CACNA1C: variants seen among roughly 807,000 people sequenced by gnomAD.
CACNA1C encodes the protein calcium voltage-gated channel subunit alpha1 C.
A neutral mutation model predicts 229.0 loss-of-function variants in CACNA1C; 30 were observed. The ratio of observed to expected loss-of-function variants is 0.13; its 90% CI spans 0.10 to 0.18. CACNA1C has a LOEUF of 0.18. Ranked by LOEUF, CACNA1C falls within the 10% of genes least tolerant of loss-of-function variation. CACNA1C has a pLI of 1.00. For missense variants in CACNA1C, 1,658 were observed against 2,845.0 expected (o/e 0.58, Z 9.49); for synonymous variants, 1,114 against 1,132.5 (o/e 0.98, Z 0.33).
intron 1 of CACNA1C, among the ~76,000 whole-genome samples, chr12:2,056,107 C>G (rs2054629644): frequency 6.6e-6 from 1 of 152,094 alleles, no homozygotes; most frequent in Non-Finnish European, 1.5e-5. Context: ...GTGCATTCCT[C>G]TCTTCCCGAC....
chr12:2,162,975 A>G (rs2095976279), intron 3 of CACNA1C, among the ~76,000 whole-genome samples: 1 of 152,032 alleles, frequency 6.6e-6, no homozygotes, highest in Admixed American at 6.6e-5. Flanking sequence ...CTGATGGAAA[A>G]TATGACCACT....
intron 1 of CACNA1C, among the ~76,000 whole-genome samples, chr12:2,081,743 T>C (rs1026442477): frequency 1.3e-5 from 2 of 152,124 alleles, no homozygotes; most frequent in African/African-American, 4.8e-5. Flanking sequence ...TTTAGGATGA[T>C]TGAAATTTAG....
At position 2,602,730 on chromosome 12, in the gene CACNA1C, G is replaced by A. The variant is rs1217084396; in HGVS notation, c.2960+770G>A. ...GGTGTGAGTTCTAAGAGCTTTCCAGGTGACTCCCCTGTACAGCCAAGCTTG... is the reference window on the plus strand; with the variant it reads ...GGTGTGAGTTCTAAGAGCTTTCCAGATGACTCCCCTGTACAGCCAAGCTTG... On this transcript the variant is annotated intron_variant, in intron 22 of 46. Coordinates refer to ENST00000399655, the MANE Select transcript of CACNA1C (RefSeq NM_000719.7). The surrounding 1 kb of genome is among the most constrained non-coding windows in gnomAD (Gnocchi z 4.4). 6.6e-6 allele frequency among the ~76,000 whole-genome samples: 1 copy of A among 151,714 alleles called. No homozygotes were observed. The highest frequency in any genetic ancestry group is 2.4e-5 in the African/African-American group (1 of 41,268).
intron 6 of CACNA1C, among the ~76,000 whole-genome samples, chr12:2,492,656 GACCC>G (rs2099738412): frequency 6.6e-6 from 1 of 152,220 alleles, no homozygotes; most frequent in African/African-American, 2.4e-5. Flanking sequence ...ATACATAGTG[GACCC>G]ATATAGTTAG....
intron 3 of CACNA1C, among the ~76,000 whole-genome samples, chr12:2,277,114 A>T (rs2088616370): frequency 6.6e-6 from 1 of 152,158 alleles, no homozygotes; most frequent in South Asian, 2.1e-4. Context: ...CACAGTTAAT[A>T]TAACACTCTC....
intron 45 of CACNA1C, among the ~76,000 whole-genome samples, chr12:2,688,046 T>C (rs2097600101): frequency 6.6e-6 from 1 of 152,232 alleles, no homozygotes; most frequent in African/African-American, 2.4e-5. Flanking sequence ...ACAGGGCAGA[T>C]GGATAGACAG....
intron 29 of CACNA1C, among the ~76,000 whole-genome samples, chr12:2,616,028 G>A (rs976251455): frequency 6.6e-6 from 1 of 152,180 alleles, no homozygotes; most frequent in South Asian, 2.1e-4. Context: ...TCCCACTCAG[G>A]GAGTAGCCAG....
At position 2,181,836 on chromosome 12, in the gene CACNA1C, A is replaced by G. The variant is rs1244076215; in HGVS notation, c.477+61406A>G. Reference sequence around the variant, plus strand: ...AGGGTAAGTAATGGACTGCAAGGACACTCTGTCTCTGGCCCAGAGGAACAG... The same window carrying G: ...AGGGTAAGTAATGGACTGCAAGGACGCTCTGTCTCTGGCCCAGAGGAACAG... On this transcript the variant is annotated intron_variant, in intron 3 of 46. Transcript: ENST00000399655. The surrounding 1 kb of genome is among the most constrained non-coding windows in gnomAD (Gnocchi z 4.0). 6.6e-6 allele frequency among the ~76,000 whole-genome samples: 1 copy of G among 151,986 alleles called. No homozygotes were observed. The highest frequency in any genetic ancestry group is 1.5e-5 in the Non-Finnish European group (1 of 68,004).
chr12:2,433,231 G>A (rs2099103199), intron 3 of CACNA1C, among the ~76,000 whole-genome samples: 1 of 152,206 alleles, frequency 6.6e-6, no homozygotes, highest in Non-Finnish European at 1.5e-5. Flanking sequence ...GAGATGAAAG[G>A]CATACAGAGG....
chr12:2,288,644 T>TCC (rs1221068108), intron 3 of CACNA1C: 1 of 152,196 alleles, frequency 6.6e-6, no homozygotes, highest in Non-Finnish European at 1.5e-5. Context: ...GGTCTGTGCC[T>TCC]CCCTTCTGTC....
chr12:2,138,932 G>C (rs1056642850), intron 3 of CACNA1C, among the ~76,000 whole-genome samples: 1 of 150,392 alleles, frequency 6.6e-6, no homozygotes, highest in African/African-American at 2.4e-5. Context: ...TGGCTTTGGT[G>C]CTGCCCTCTG....
intron 3 of CACNA1C, among the ~76,000 whole-genome samples, chr12:2,358,287 G>C (rs926385810): frequency 1.6e-5 from 2 of 126,238 alleles, no homozygotes; most frequent in Admixed American, 7.9e-5. Flanking sequence ...GTGTGTGTGT[G>C]TGTGTGTGTG....
At chr12:2,015,125 G>T (rs2154484946) in intron 1 of CACNA1C, among the ~76,000 whole-genome samples, 1 of 152,256 alleles carries the variant, frequency 6.6e-6, no homozygotes, top group Non-Finnish European at 1.5e-5. Context: ...AGACCATGTT[G>T]CTCTATGAAA....
At chr12:2,625,791 A>G (rs926085301) in intron 29 of CACNA1C, among the ~76,000 whole-genome samples, 7 of 152,088 alleles carry the variant, frequency 4.6e-5, no homozygotes, top group African/African-American at 1.7e-4. Flanking sequence ...AAAAAAAAAA[A>G]AAAATTCTAT....
intron 1 of CACNA1C, among the ~76,000 whole-genome samples, chr12:2,008,646 G>C (rs922060478): frequency 6.6e-6 from 1 of 152,116 alleles, no homozygotes; most frequent in Admixed American, 6.5e-5. Context: ...ATAAAAAAAC[G>C]TGCAATAGCA....
chr12:2,642,948 G>A (rs1345367722), intron 30 of CACNA1C, among the ~76,000 whole-genome samples: 1 of 152,216 alleles, frequency 6.6e-6, no homozygotes. Flanking sequence ...GTGAGACCCT[G>A]AGGCTTCAGC....
intron 5 of CACNA1C, among the ~76,000 whole-genome samples, chr12:2,476,406 G>A (rs2283314): frequency 0.72 from 109,680 of 152,218 alleles, 39,881 homozygotes; most frequent in East Asian, 0.87. Flanking sequence ...CAATTTATCT[G>A]TCTTACCTAA....
intron 3 of CACNA1C, among the ~76,000 whole-genome samples, chr12:2,200,817 G>T (rs2097561188): frequency 6.6e-6 from 1 of 152,156 alleles, no homozygotes; most frequent in African/African-American, 2.4e-5. Context: ...CAACCCTGGA[G>T]ATCTGGCAGA....
chr12:2,239,947 A>G (rs2069183421), intron 3 of CACNA1C, among the ~76,000 whole-genome samples: 1 of 152,214 alleles, frequency 6.6e-6, no homozygotes, highest in Non-Finnish European at 1.5e-5. Context: ...AAAAATGGAA[A>G]ATGGAAATAA....
Sources: allele counts gnomAD v4.1 joint callset (sites outside exome capture counted in the v4.1 genomes callset), GRCh38; gene constraint gnomAD v4.1.1; non-coding constraint Gnocchi (gnomAD v3.1); transcripts MANE v1.5; gene names NCBI Gene and HGNC (gene_info 2026-07-23, HGNC 2026-07-21).